Variants in GABRA3 observed in about 807,000 individuals in gnomAD.
The protein encoded by GABRA3 is gamma-aminobutyric acid type A receptor subunit alpha3.
In GABRA3, 10 loss-of-function variants were observed where a neutral mutation model predicts 30.1. The ratio of observed to expected loss-of-function variants is 0.33; its 90% confidence interval spans 0.20 to 0.56. The LOEUF (loss-of-function observed/expected upper bound fraction) is 0.56. Among genes scored for constraint, GABRA3 ranks in the 20% least tolerant of loss-of-function variants. The pLI, the probability that GABRA3 is intolerant of heterozygous loss-of-function variation, is 0.89. For missense variants in GABRA3, 233 were observed against 392.0 expected (o/e 0.59, Z 3.42); for synonymous variants, 151 against 146.8 (o/e 1.03, Z -0.21).
chrX:152,351,403 T>C (rs1321145929), intron 2 of GABRA3, among the ~76,000 whole-genome samples: 1 of 112,077 alleles, frequency 8.9e-6, no homozygotes, highest in Non-Finnish European at 1.9e-5. Context: ...CCTTGCACTT[T>C]TATGTTATGG....
chrX:152,310,095 T>C (rs1939777116), intron 3 of GABRA3, among the ~76,000 whole-genome samples: 1 of 112,281 alleles, frequency 8.9e-6, no homozygotes, highest in South Asian at 3.7e-4. Context: ...CTATCTTAAA[T>C]ATATATGCAA....
At chrX:152,325,279 A>G (rs1940035288) in intron 3 of GABRA3, among the ~76,000 whole-genome samples, 1 of 112,012 alleles carries the variant, frequency 8.9e-6, no homozygotes, top group South Asian at 3.8e-4. Context: ...TCCAGTCTAC[A>G]GCTCCCAGCG....
chrX:152,343,715 G>T (rs1940349191), intron 3 of GABRA3, among the ~76,000 whole-genome samples: 1 of 111,609 alleles, frequency 9.0e-6, no homozygotes, highest in Non-Finnish European at 1.9e-5. Context: ...ATAAAAGCAG[G>T]CGTTACATAG....
chrX:152,436,570 T>C (rs1930782007), intron 1 of GABRA3, among the ~76,000 whole-genome samples: 1 of 111,933 alleles, frequency 8.9e-6, no homozygotes, highest in African/African-American at 3.2e-5. Flanking sequence ...AGTCCAGAAG[T>C]AGATCCATCC....
At chrX:152,292,733 A>C (rs1939445469) in intron 3 of GABRA3, among the ~76,000 whole-genome samples, 1 of 111,536 alleles carries the variant, frequency 9.0e-6, no homozygotes, top group African/African-American at 3.3e-5. Context: ...TGTGTCCCAG[A>C]GATTCTGGTA....
chrX:152,371,708 C>T (rs1928846054), intron 1 of GABRA3, among the ~76,000 whole-genome samples: 1 of 111,411 alleles, frequency 9.0e-6, no homozygotes, highest in East Asian at 2.8e-4. Context: ...CAATCATTCC[C>T]TCATACTATC....
chrX:152,287,626 C>G (rs772734154), intron 3 of GABRA3, among the ~76,000 whole-genome samples: 1 of 111,033 alleles, frequency 9.0e-6, no homozygotes, highest in Non-Finnish European at 1.9e-5. Context: ...TTCATAGCAG[C>G]GTAAGAACGG....
rs764582881 is a variant in GABRA3, at chrX:152,168,588, G to A, written c.1144-25C>T. ...TCTAGAGGCCAGGAAAAAGAGGGGGGGAAAGGGAGAAAAAAGCAAAGCTAA... is the reference window on the plus strand; with the variant it reads ...TCTAGAGGCCAGGAAAAAGAGGGGGAGAAAGGGAGAAAAAAGCAAAGCTAA... On this transcript the variant is annotated intron_variant, in intron 9 of 9. Coordinates refer to ENST00000370314, the MANE Select transcript of GABRA3 (RefSeq NM_000808.4). 2.6e-5 allele frequency: 29 copies of A among 1,105,181 alleles called. No homozygotes were observed. In the South Asian group the frequency reaches 4.2e-4, roughly 16 times the overall value. 91.1% of individuals were successfully genotyped at this position (1,105,181 alleles called of 1,213,427 possible).
intron 3 of GABRA3, among the ~76,000 whole-genome samples, chrX:152,294,744 G>A (rs996134685): frequency 1.8e-5 from 2 of 111,760 alleles, no homozygotes; most frequent in African/African-American, 6.5e-5. Context: ...TTCTGCTCTG[G>A]TTTCTCCCCA....
At chrX:152,203,049 GCAGCAGAGGGAGCT>G (rs1305613377) in intron 7 of GABRA3, among the ~76,000 whole-genome samples, 1 of 111,581 alleles carries the variant, frequency 9.0e-6, no homozygotes, top group Non-Finnish European at 1.9e-5. Flanking sequence ...TAGATGAGAA[GCAGCAGAGGGAGCT>G]CAGCTTACAA....
chrX:152,172,250 ACCCC>A (rs1937012830), intron 9 of GABRA3, among the ~76,000 whole-genome samples: 4 of 111,577 alleles, frequency 3.6e-5, no homozygotes, highest in African/African-American at 1.3e-4. Flanking sequence ...AAGCCATGAG[ACCCC>A]ACCTCACATT....
intron 1 of GABRA3, among the ~76,000 whole-genome samples, chrX:152,369,873 A>C (rs767775560): frequency 8.9e-6 from 1 of 111,733 alleles, no homozygotes; most frequent in Non-Finnish European, 1.9e-5. Flanking sequence ...ATAAATACTG[A>C]ATAAATGAAT....
chrX:152,378,336 C>A (rs953186015), intron 1 of GABRA3, among the ~76,000 whole-genome samples: 4 of 111,342 alleles, frequency 3.6e-5, no homozygotes, highest in African/African-American at 1.3e-4. Flanking sequence ...AGGTTTAGGA[C>A]CTCCACCAAA....
At chrX:152,299,645 C>G (rs1161219362) in intron 3 of GABRA3, among the ~76,000 whole-genome samples, 1 of 111,461 alleles carries the variant, frequency 9.0e-6, no homozygotes, top group Non-Finnish European at 1.9e-5. Flanking sequence ...GAAATTAAAA[C>G]AAAACTGAAC....
intron 1 of GABRA3, among the ~76,000 whole-genome samples, chrX:152,385,839 T>C (rs1360475283): frequency 9.0e-6 from 1 of 111,563 alleles, no homozygotes; most frequent in Non-Finnish European, 1.9e-5. Context: ...GCACCATTTA[T>C]TAAATAGGGA....
At chrX:152,416,678 T>C (rs1930228941) in intron 1 of GABRA3, among the ~76,000 whole-genome samples, 1 of 110,645 alleles carries the variant, frequency 9.0e-6, no homozygotes, top group Non-Finnish European at 1.9e-5. Context: ...AAAACAGAGA[T>C]ATAGATCAAT....
At chrX:152,237,698 G>T (rs1223345671) in intron 5 of GABRA3, among the ~76,000 whole-genome samples, 28 of 104,063 alleles carry the variant, frequency 2.7e-4, no homozygotes, top group African/African-American at 9.7e-4. Context: ...TCCTTGAAGA[G>T]GTCCTTCACA....
At chrX:152,363,955 G>A (rs759411093) in intron 2 of GABRA3, among the ~76,000 whole-genome samples, 1 of 111,269 alleles carries the variant, frequency 9.0e-6, no homozygotes, top group South Asian at 3.9e-4. Context: ...ATGGCAGCAA[G>A]TGAATGAAAG....
chrX:152,418,014 T>G (rs1400548196), intron 1 of GABRA3, among the ~76,000 whole-genome samples: 3 of 106,547 alleles, frequency 2.8e-5, no homozygotes, highest in Non-Finnish European at 5.8e-5. Context: ...ACCCTAAAAC[T>G]TAATGTATAA....
Sources: gnomAD v4.1 joint callset for allele counts (sites outside exome capture counted in the v4.1 genomes callset) on GRCh38, gnomAD v4.1.1 for gene constraint, MANE v1.5 for transcripts, NCBI Gene and HGNC (gene_info 2026-07-23, HGNC 2026-07-21) for gene names.